The following CAST variants were observed in gnomAD, a reference collection of about 807,000 sequenced individuals.
CAST encodes calpastatin, also known as MIR583 host.
CAST carries 76 observed loss-of-function variants against 119.6 expected under a neutral mutation model. The observed-to-expected ratio is 0.64, with a 90% confidence interval of 0.53 to 0.77. The LOEUF is 0.77. CAST is among the 30% of genes least tolerant of loss of function. CAST has a pLI of 0.00. For missense variants in CAST, 953 were observed against 946.5 expected (o/e 1.01, Z -0.09); for synonymous variants, 319 against 331.6 (o/e 0.96, Z 0.41).
At chr5:96,567,843 G>T (rs1746500172) in intron 1 of CAST, among the ~76,000 whole-genome samples, 1 of 152,186 alleles carries the variant, frequency 6.6e-6, no homozygotes, top group Non-Finnish European at 1.5e-5. Flanking sequence ...GGGGATGACA[G>T]GGACAAGGTA....
At chr5:96,717,269 T>G (rs938217619) in intron 3 of CAST, among the ~76,000 whole-genome samples, 1 of 152,138 alleles carries the variant, frequency 6.6e-6, no homozygotes, top group Non-Finnish European at 1.5e-5. Flanking sequence ...GTGAGAAATA[T>G]CAACACAAGA....
chr5:96,561,057 A>G (rs941144554), intron 1 of CAST, among the ~76,000 whole-genome samples: 4 of 152,202 alleles, frequency 2.6e-5, no homozygotes, highest in African/African-American at 9.7e-5. Context: ...TTGTAGGGAC[A>G]TGGATGAAGC....
At chr5:96,003,492 G>T in the CAST span, among the ~76,000 whole-genome samples, 2 of 135,120 alleles carry the variant, frequency 1.5e-5, no homozygotes, top group African/African-American at 5.9e-5. Context: ...GAGCCGAGAT[G>T]GCGCCACTGC....
the CAST span, among the ~76,000 whole-genome samples, chr5:96,152,354 T>C: frequency 6.6e-6 from 1 of 152,182 alleles, no homozygotes; most frequent in East Asian, 1.9e-4. Context: ...GCTTATATCC[T>C]GGGCAGACAG....
the CAST span, among the ~76,000 whole-genome samples, chr5:96,216,392 G>A: frequency 1.3e-5 from 2 of 152,130 alleles, no homozygotes; most frequent in African/African-American, 4.8e-5. Flanking sequence ...TTTTAAAAAT[G>A]TGGATATTCT....
At chr5:96,432,013 TACCTATCGACCAAGCCTTC>T in the CAST span, 2 of 1,102,098 alleles carry the variant, frequency 1.8e-6, no homozygotes, top group East Asian at 5.1e-5. Flanking sequence ...TCCAACCAGC[TACCTATCGACCAAGCCTTC>T]ACTTGGACAG....
chr5:96,676,865 C>T (rs1243093285), intron 2 of CAST, among the ~76,000 whole-genome samples: 1 of 151,626 alleles, frequency 6.6e-6, no homozygotes, highest in African/African-American at 2.4e-5. Context: ...CCAGTCTGGC[C>T]AACATAGTGA....
the CAST span, among the ~76,000 whole-genome samples, chr5:96,487,149 G>A: frequency 1.7e-3 from 256 of 151,654 alleles, no homozygotes; most frequent in Admixed American, 5.0e-3. Flanking sequence ...GTAATATGTG[G>A]GGCAGTTCTG....
At chr5:96,265,784 C>T in the CAST span, among the ~76,000 whole-genome samples, 1 of 152,042 alleles carries the variant, frequency 6.6e-6, no homozygotes, top group Admixed American at 6.5e-5. Flanking sequence ...TTCTTGGTGC[C>T]TATTGAAGTT....
intron 1 of CAST, among the ~76,000 whole-genome samples, chr5:96,584,073 AC>A (rs1412209443): frequency 6.6e-6 from 1 of 152,178 alleles, no homozygotes. Context: ...GTAGTCGCCA[AC>A]CTTTTTGGGA....
chr5:96,285,816 G>C, the CAST span, among the ~76,000 whole-genome samples: 1 of 152,218 alleles, frequency 6.6e-6, no homozygotes, highest in Admixed American at 6.5e-5. Flanking sequence ...CTTTATAAGT[G>C]CTAGGTATTA....
In CAST at chr5:96,715,599, A is replaced by T. The variant is rs151010264; in HGVS notation, c.211-7040A>T. On this transcript the variant is annotated intron_variant, in intron 3 of 31. Transcript: ENST00000675179. The stretch of plus-strand genomic sequence containing the variant: ...AGATTTATGAAGATATATTGAAATG[A>T]GATACATAGAGCACCTGTCACAGCT... 2.1e-3 allele frequency among the ~76,000 whole-genome samples: 325 copies of T among 152,316 alleles called. 1 individual carries two copies. The highest frequency in any genetic ancestry group is 7.4e-3 in the African/African-American group (309 of 41,572).
At chr5:96,049,071 C>A in the CAST span, among the ~76,000 whole-genome samples, 3 of 152,120 alleles carry the variant, frequency 2.0e-5, no homozygotes, top group African/African-American at 7.2e-5. Context: ...TTGACTTTAC[C>A]CTTAAAGGCA....
the CAST span, among the ~76,000 whole-genome samples, chr5:96,129,065 CT>C: frequency 1.3e-5 from 2 of 152,036 alleles, no homozygotes; most frequent in Non-Finnish European, 1.5e-5. Context: ...GACCTTAAGA[CT>C]GAGCTACCTA....
At chr5:96,342,941 G>C in the CAST span, among the ~76,000 whole-genome samples, 2 of 152,124 alleles carry the variant, frequency 1.3e-5, no homozygotes, top group Non-Finnish European at 1.5e-5. Flanking sequence ...TTATGATACT[G>C]TAATTGAGCA....
chr5:96,193,623 T>C, the CAST span, among the ~76,000 whole-genome samples: 1 of 152,204 alleles, frequency 6.6e-6, no homozygotes, highest in African/African-American at 2.4e-5. Flanking sequence ...CTGATATAAT[T>C]TGTAACTTGG....
chr5:96,114,146 T>C, the CAST span, among the ~76,000 whole-genome samples: 3 of 152,190 alleles, frequency 2.0e-5, no homozygotes, highest in Non-Finnish European at 4.4e-5. Context: ...TAGAAGGTTG[T>C]TTTAAGGTGC....
the CAST span, among the ~76,000 whole-genome samples, chr5:96,441,638 G>A: frequency 2.6e-5 from 4 of 152,012 alleles, no homozygotes; most frequent in South Asian, 8.3e-4. Flanking sequence ...GAAAAAAAGG[G>A]ACTATGTAAA....
At chr5:96,731,448 T>G (rs867576292) in intron 9 of CAST, among the ~76,000 whole-genome samples, 1 of 149,894 alleles carries the variant, frequency 6.7e-6, no homozygotes, top group African/African-American at 2.4e-5. Flanking sequence ...AATATAGAAT[T>G]TTTTTTTTTA....
Sources: gnomAD v4.1 joint callset for allele counts (sites outside exome capture counted in the v4.1 genomes callset) on GRCh38, gnomAD v4.1.1 for gene constraint, MANE v1.5 for transcripts, NCBI Gene and HGNC (gene_info 2026-07-23, HGNC 2026-07-21) for gene names.